The following PLEKHA7 variants were observed in gnomAD, a reference collection of about 807,000 sequenced individuals.
PLEKHA7 encodes pleckstrin homology domain-containing family A member 7.
In PLEKHA7, 104 loss-of-function variants were observed where a neutral mutation model predicts 170.0. The observed-to-expected ratio is 0.61, with a 90% CI of 0.52 to 0.72. PLEKHA7 has a LOEUF of 0.72. PLEKHA7 is among the 30% of genes least tolerant of loss of function. PLEKHA7 has a pLI of 0.00. For synonymous variants in PLEKHA7, 648 were observed against 660.8 expected, an observed-to-expected ratio of 0.98 and a Z score of 0.30; for missense variants, 1,615 against 1,671.7, an observed-to-expected ratio of 0.97 and a Z score of 0.59.
chr11:16,795,449 C>A lies in PLEKHA7; in HGVS notation c.2410-431G>T, dbSNP rs142811301. 8.6e-4 allele frequency: 150 copies of A among 175,132 alleles called. 1 individual carries two copies. The highest frequency in any genetic ancestry group is 3.3e-3 in the African/African-American group (139 of 42,200). 10.8% of individuals were successfully genotyped at this position (175,132 alleles called of 1,614,324 possible). A position where few individuals can be genotyped will look rare whatever the true frequency, so the allele number is the denominator to read the frequency against. On this transcript the variant is annotated intron_variant, in intron 17 of 26. Coordinates refer to ENST00000531066, the MANE Select transcript of PLEKHA7 (RefSeq NM_001329630.2). ...AGGATAGAAAGTTCTGGAGATTGGG[C>A]GCACAAAAATGTGAATGTACTTAAC...
chr11:16,779,636 T>C (rs1447623300), intron 26 of PLEKHA7, among the ~76,000 whole-genome samples: 1 of 152,084 alleles, frequency 6.6e-6, no homozygotes, highest in Non-Finnish European at 1.5e-5. Flanking sequence ...ACTCCACACC[T>C]CCTCAGAGCC....
Position 16,797,206 on chromosome 11 carries a change from C to T in PLEKHA7, c.2410-2188G>A, listed in dbSNP as rs369755835. 4.6e-5 allele frequency among the ~76,000 whole-genome samples: 7 copies of T among 152,266 alleles called. No homozygotes were observed. In the East Asian group the frequency reaches 9.7e-4, roughly 21 times the overall value. Reference sequence around the variant, plus strand: ...GGGGTCTGATGGGGTTAAGGGACTACGGCCATCTCTTGACGGGGCTGTTTA... The same window carrying T: ...GGGGTCTGATGGGGTTAAGGGACTATGGCCATCTCTTGACGGGGCTGTTTA... On this transcript the variant is annotated intron_variant, in intron 17 of 26. Coordinates refer to ENST00000531066, the MANE Select transcript of PLEKHA7 (RefSeq NM_001329630.2).
intron 10 of PLEKHA7, among the ~76,000 whole-genome samples, chr11:16,819,771 GAGAGGTAGTTACC>G (rs1459024856): frequency 2.6e-5 from 4 of 152,346 alleles, no homozygotes; most frequent in Admixed American, 2.6e-4. Context: ...GAACAGAGTA[GAGAGGTAGTTACC>G]AGAGGTTTTG....
intron 10 of PLEKHA7, among the ~76,000 whole-genome samples, chr11:16,818,547 C>T (rs1351108328): frequency 6.6e-6 from 1 of 152,230 alleles, no homozygotes; most frequent in South Asian, 2.1e-4. Context: ...TGTTTGACCT[C>T]GTCATCACAC....
At chr11:16,981,757 A>G (rs1863442016) in intron 3 of PLEKHA7, among the ~76,000 whole-genome samples, 1 of 152,164 alleles carries the variant, frequency 6.6e-6, no homozygotes. Flanking sequence ...AGAATGTCCA[A>G]TTAAAATGCA....
chr11:16,886,738 T>C (rs1856137613), intron 3 of PLEKHA7, among the ~76,000 whole-genome samples: 1 of 143,720 alleles, frequency 7.0e-6, no homozygotes, highest in East Asian at 2.0e-4. Flanking sequence ...AAGCCCACAA[T>C]TACTACATGG....
intron 3 of PLEKHA7, among the ~76,000 whole-genome samples, chr11:16,979,796 G>A (rs1226407993): frequency 1.3e-5 from 2 of 151,854 alleles, no homozygotes; most frequent in Admixed American, 6.6e-5. Context: ...ATTCTCTTTG[G>A]TCTACCAATA....
intron 3 of PLEKHA7, among the ~76,000 whole-genome samples, chr11:16,949,736 C>T (rs1195146324): frequency 6.6e-6 from 1 of 152,004 alleles, no homozygotes; most frequent in Non-Finnish European, 1.5e-5. Flanking sequence ...GGAGTTAAGA[C>T]ATGGATATAA....
rs1848798146 is a variant in PLEKHA7 at position 16,778,444 on chromosome 11, CA to C, written c.*553del. The C allele has an allele frequency of 1.3e-5, 2 of 158,278 alleles. No individual in the cohort carries two copies. The highest frequency in any genetic ancestry group is 4.8e-5 in the African/African-American group (2 of 41,518). 9.8% of individuals were successfully genotyped at this position (158,278 alleles called of 1,614,324 possible). ...TCCACGTGTGATCCTCGTGGAGTTT[CA>C]CACAGAGCTGGTCATCAGGTCAGGG... On this transcript the variant is annotated 3_prime_UTR_variant, in exon 27 of 27. Coordinates refer to ENST00000531066, the MANE Select transcript of PLEKHA7 (RefSeq NM_001329630.2).
intron 3 of PLEKHA7, among the ~76,000 whole-genome samples, chr11:16,983,536 G>C (rs1400787753): frequency 6.6e-6 from 1 of 152,170 alleles, no homozygotes; most frequent in Non-Finnish European, 1.5e-5. Flanking sequence ...GATAGGAAAA[G>C]CAGAATTCAT....
chr11:16,940,663 G>A (rs1309639415), intron 3 of PLEKHA7, among the ~76,000 whole-genome samples: 2 of 151,946 alleles, frequency 1.3e-5, no homozygotes, highest in Non-Finnish European at 2.9e-5. Context: ...CTTTAAAAGT[G>A]AATAAACTGC....
chr11:16,860,101 CA>C (rs1853817792), intron 4 of PLEKHA7, among the ~76,000 whole-genome samples: 2 of 152,108 alleles, frequency 1.3e-5, no homozygotes. Flanking sequence ...CTGAAATGAA[CA>C]AAAGAACTTA....
chr11:16,864,052 C>A (rs1165684107), intron 4 of PLEKHA7, among the ~76,000 whole-genome samples: 1 of 152,214 alleles, frequency 6.6e-6, no homozygotes, highest in African/African-American at 2.4e-5. Flanking sequence ...GTAGCCTACT[C>A]ACTCAGCGCA....
At chr11:16,965,604 A>G (rs1862324760) in intron 3 of PLEKHA7, among the ~76,000 whole-genome samples, 1 of 152,132 alleles carries the variant, frequency 6.6e-6, no homozygotes, top group East Asian at 1.9e-4. Flanking sequence ...TCTCCCTGAG[A>G]CACATACCCT....
At chr11:16,910,921 G>A (rs1341420561) in intron 3 of PLEKHA7, among the ~76,000 whole-genome samples, 1 of 152,218 alleles carries the variant, frequency 6.6e-6, no homozygotes, top group Non-Finnish European at 1.5e-5. Context: ...AATCTACTGT[G>A]TGATCCTGGG....
At chr11:16,939,533 T>G (rs971580954) in intron 3 of PLEKHA7, among the ~76,000 whole-genome samples, 2 of 152,256 alleles carry the variant, frequency 1.3e-5, no homozygotes, top group African/African-American at 4.8e-5. Context: ...ATTTAGTTTT[T>G]ATTGAGTCAA....
intron 3 of PLEKHA7, among the ~76,000 whole-genome samples, chr11:16,966,114 T>C (rs1269172918): frequency 6.6e-6 from 1 of 151,784 alleles, no homozygotes; most frequent in Non-Finnish European, 1.5e-5. Context: ...ACTCAGGAGG[T>C]GGGGGTTGCA....
chr11:16,913,777 TGGTCAGAAGCA>T (rs1245181216), intron 3 of PLEKHA7, among the ~76,000 whole-genome samples: 2 of 152,166 alleles, frequency 1.3e-5, no homozygotes, highest in African/African-American at 4.8e-5. Flanking sequence ...CTGTGCACAA[TGGTCAGAAGCA>T]GGGACCTCAC....
chr11:17,013,858 T>C (rs2137167611), intron 3 of PLEKHA7, 131 bp downstream of exon 3: 1 of 1,112,906 alleles, frequency 9.0e-7, no homozygotes, highest in Non-Finnish European at 1.2e-6. Context: ...ACGTTGAGTG[T>C]GGCCGCGGCG....
Sources: allele counts gnomAD v4.1 joint callset (sites outside exome capture counted in the v4.1 genomes callset), GRCh38; gene constraint gnomAD v4.1.1; transcripts MANE v1.5; gene names NCBI Gene and HGNC (gene_info 2026-07-23, HGNC 2026-07-21).